DNAI4: variants seen among roughly 807,000 people sequenced by gnomAD.
DNAI4 encodes dynein axonemal intermediate chain 4, also known as WD repeat domain 78.
DNAI4 carries 85 observed loss-of-function variants against 105.8 expected under a neutral mutation model. That is an observed-to-expected ratio of 0.80 (90% confidence interval 0.67 to 0.96). DNAI4 has a LOEUF of 0.96. DNAI4 is among the 40% of genes least tolerant of loss of function. The probability of loss-of-function intolerance (pLI) is 0.00; values close to 1 mark genes in which losing one functional copy is unlikely to be tolerated. For synonymous variants in DNAI4, 352 were observed against 331.5 expected, an observed-to-expected ratio of 1.06 and a Z score of -0.67; for missense variants, 1,014 against 1,005.6, an observed-to-expected ratio of 1.01 and a Z score of -0.11.
chr1:66,849,987 G>A (rs1646361965), intron 7 of DNAI4, among the ~76,000 whole-genome samples: 1 of 151,980 alleles, frequency 6.6e-6, no homozygotes, highest in Non-Finnish European at 1.5e-5. Context: ...GGGTGAGCCT[G>A]AAAAAGTACT....
At chr1:66,840,363 T>G in intron 9 of DNAI4, 106 bp downstream of exon 9, 1 of 1,084,158 alleles carries the variant, frequency 9.2e-7, no homozygotes, top group Non-Finnish European at 1.4e-6. Context: ...TATGGTCAAT[T>G]TAAATTCCTT....
At chr1:66,867,899 A>G (rs1173090408) in intron 6 of DNAI4, among the ~76,000 whole-genome samples, 1 of 152,190 alleles carries the variant, frequency 6.6e-6, no homozygotes, top group Non-Finnish European at 1.5e-5. Flanking sequence ...AATAGATCAC[A>G]GCAATTATTA....
At chr1:66,856,500 AT>A (rs1487084301) in intron 7 of DNAI4, among the ~76,000 whole-genome samples, 2 of 151,992 alleles carry the variant, frequency 1.3e-5, no homozygotes, top group East Asian at 3.9e-4. Flanking sequence ...ATAAAAAAAA[AT>A]TCTTATAAAA....
intron 13 of DNAI4, among the ~76,000 whole-genome samples, chr1:66,829,548 T>C (rs1448092491): frequency 6.6e-6 from 1 of 152,126 alleles, no homozygotes; most frequent in Non-Finnish European, 1.5e-5. Context: ...ATGTACCTAA[T>C]AAGAAAGCAT....
intron 1 of DNAI4, among the ~76,000 whole-genome samples, chr1:66,914,844 C>T (rs1649944089): frequency 6.6e-6 from 1 of 152,028 alleles, no homozygotes; most frequent in Non-Finnish European, 1.5e-5. Context: ...AATTAATTGG[C>T]TTAAAAATAA....
At position 66,826,960 on chromosome 1, in the gene DNAI4, T is replaced by C. The variant is rs140865104; in HGVS notation, c.2199A>G (p.Gln733=). ...CSADWGVIIW[Q]QENVKPSLSF... is the part of the protein sequence containing the mutation. ...TCAAAGATGGCTTGACATTCTCCTG[T>C]TGCCATATAATAACACCCCAATCTG... Residue 733 remains glutamine (Q), a synonymous_variant, in exon 15 of 17, where the codon CAA becomes CAG. Transcript: ENST00000371026. The C allele has an allele frequency of 3.3e-4, 531 of 1,614,142 alleles. 4 individuals carry two copies. The East Asian group carries it at 0.011, about 34-fold the overall frequency.
intron 16 of DNAI4, among the ~76,000 whole-genome samples, chr1:66,821,582 A>T (rs1274386644): frequency 2.0e-5 from 3 of 152,180 alleles, no homozygotes; most frequent in African/African-American, 7.2e-5. Flanking sequence ...ATGCTATTAG[A>T]ATTTAATAAT....
chr1:66,852,682 C>A (rs1342210055), intron 7 of DNAI4, among the ~76,000 whole-genome samples: 1 of 151,768 alleles, frequency 6.6e-6, no homozygotes, highest in East Asian at 1.9e-4. Context: ...AAAAAAAAAT[C>A]TCTCAGAAAA....
chr1:66,834,093 C>A lies in DNAI4; in HGVS notation c.1789G>T (p.Asp597Tyr), dbSNP rs1645928122. ...PVWQLQWIEQDRGTTGDGKRE... is the reference protein window; with the variant it reads ...PVWQLQWIEQYRGTTGDGKRE... ...TTGCCATCTCCTGTTGTTCCTCGAT[C>A]TTGTTCTATCCACTGTAGTTGCCAT... Residue 597 changes from aspartate to tyrosine, a missense_variant, in exon 12 of 17, where the codon GAT becomes TAT. Transcript: ENST00000371026. 1 of 1,612,560 alleles carries A rather than the reference C, an allele frequency of 6.2e-7. No individual in the cohort carries two copies. The highest frequency in any genetic ancestry group is 2.2e-5 in the East Asian group (1 of 44,772).
chr1:66,838,564 T>C (rs970350797), intron 9 of DNAI4, among the ~76,000 whole-genome samples: 2 of 152,246 alleles, frequency 1.3e-5, no homozygotes, highest in African/African-American at 2.4e-5. Context: ...AAGAAATGCA[T>C]ATGTAAATAC....
At chr1:66,830,881 G>A (rs904446589) in intron 13 of DNAI4, among the ~76,000 whole-genome samples, 5 of 150,794 alleles carry the variant, frequency 3.3e-5, no homozygotes, top group South Asian at 2.1e-4. Context: ...GGAGGCTGAC[G>A]TGGGAGGATA....
intron 4 of DNAI4, among the ~76,000 whole-genome samples, chr1:66,887,277 T>C (rs1925400): frequency 0.14 from 21,113 of 152,250 alleles, 1,588 homozygotes; most frequent in Middle Eastern, 0.22. Context: ...TTTCTCTGGA[T>C]TGTCTATCTC....
chr1:66,828,589 G>C (rs777215053), intron 13 of DNAI4: 1 of 152,012 alleles, frequency 6.6e-6, no homozygotes, highest in Non-Finnish European at 1.5e-5. Context: ...TTTGTGTCCC[G>C]ATAATTTTAG....
chr1:66,924,502 G>A (rs898356518), intron 1 of DNAI4, among the ~76,000 whole-genome samples, 160 bp downstream of exon 1: 4 of 152,230 alleles, frequency 2.6e-5, no homozygotes, highest in African/African-American at 9.6e-5. Context: ...ACTGCGGTAG[G>A]TCGATAAAGG....
chr1:66,922,216 T>C (rs1019064176), intron 1 of DNAI4, among the ~76,000 whole-genome samples: 1 of 152,110 alleles, frequency 6.6e-6, no homozygotes, highest in African/African-American at 2.4e-5. Flanking sequence ...CATGAGCCAC[T>C]GTGCCTGGCA....
chr1:66,816,209 G>A (rs1645512308), intron 16 of DNAI4, among the ~76,000 whole-genome samples: 1 of 152,044 alleles, frequency 6.6e-6, no homozygotes, highest in African/African-American at 2.4e-5. Flanking sequence ...ATTAGAAAAA[G>A]TGATACTAAC....
intron 4 of DNAI4, among the ~76,000 whole-genome samples, chr1:66,887,115 C>G (rs935461163): frequency 6.6e-6 from 1 of 152,072 alleles, no homozygotes; most frequent in African/African-American, 2.4e-5. Flanking sequence ...AGAATGAAGG[C>G]CATGTAAGTG....
chr1:66,834,095 T>G lies in DNAI4; in HGVS notation c.1787A>C (p.Gln596Pro), dbSNP rs1483968515. 8.7e-6 allele frequency: 14 copies of G among 1,612,342 alleles called. No individual in the cohort carries two copies. Among genetic ancestry groups the G allele is most frequent in the Non-Finnish European group, 1.1e-5 (13 of 1,179,336 alleles). Residue 596 changes from glutamine (Q) to proline (P), a missense_variant, in exon 12 of 17, where the codon CAA (glutamine) becomes CCA (proline). By Grantham distance (76) the Gln-to-Pro change is moderately conservative. Transcript: ENST00000371026. Reference sequence around the variant, plus strand: ...GCCATCTCCTGTTGTTCCTCGATCTTGTTCTATCCACTGTAGTTGCCATAC... The same window carrying G: ...GCCATCTCCTGTTGTTCCTCGATCTGGTTCTATCCACTGTAGTTGCCATAC... Reference protein sequence around the residue: ...GPVWQLQWIEQDRGTTGDGKR... With the variant: ...GPVWQLQWIEPDRGTTGDGKR...
chr1:66,904,009 T>C (rs1412833520), intron 2 of DNAI4, among the ~76,000 whole-genome samples: 1 of 140,124 alleles, frequency 7.1e-6, no homozygotes, highest in Non-Finnish European at 1.5e-5. Context: ...AAATGAAATA[T>C]AGTTTGTGTG....
Sources: allele counts gnomAD v4.1 joint callset (sites outside exome capture counted in the v4.1 genomes callset), GRCh38; gene constraint gnomAD v4.1.1; transcripts MANE v1.5; gene names NCBI Gene and HGNC (gene_info 2026-07-23, HGNC 2026-07-21).